Variants in ACACB observed in about 807,000 individuals in gnomAD.
The protein encoded by ACACB is acetyl-CoA carboxylase 2.
In ACACB, 209 loss-of-function variants were observed where a neutral mutation model predicts 278.8. That is an observed-to-expected ratio of 0.75 (90% CI 0.67 to 0.84). ACACB has a LOEUF of 0.84. ACACB is among the 40% of genes least tolerant of loss of function. The pLI, the probability that ACACB is intolerant of heterozygous loss-of-function variation, is 0.00. For missense variants in ACACB, 2,850 were observed against 3,269.0 expected (o/e 0.87, Z 3.13); for synonymous variants, 1,174 against 1,285.6 (o/e 0.91, Z 1.86).
chr12:109,165,241 C>G (rs546196090), intron 2 of ACACB, among the ~76,000 whole-genome samples: 1 of 152,148 alleles, frequency 6.6e-6, no homozygotes, highest in South Asian at 2.1e-4. Flanking sequence ...AAAGGGAAGC[C>G]CCAAAACAAT....
intron 2 of ACACB, among the ~76,000 whole-genome samples, chr12:109,151,365 GA>G (rs1217033564): frequency 6.6e-6 from 1 of 152,142 alleles, no homozygotes; most frequent in Non-Finnish European, 1.5e-5. Flanking sequence ...ACAAGGTACA[GA>G]GCAACTAACC....
chr12:109,206,599 T>A (rs571890835), intron 19 of ACACB, 111 bp from the exon 20 acceptor site: 86,202 of 1,310,872 alleles, frequency 0.066, 3,186 homozygotes, highest in Non-Finnish European at 0.074. Context: ...TCAGACCTCA[T>A]CCTCACTTGA....
Position 109,212,907 on chromosome 12 carries a change from C to T in ACACB, c.3321C>T (p.Asn1107=). Residue 1107 remains asparagine (N), a synonymous_variant, in exon 22 of 53, where the codon AAC becomes AAT. Transcript: ENST00000338432. ...RKADREVFFI[N]TQSIVQLVQR... ...CTGATCGAGAGGTCTTCTTCATCAA[C>T]ACCCAGAGCATCGTGCAGTTGGTCC... The T allele has an allele frequency of 6.2e-7, 1 of 1,614,136 alleles. No homozygotes were observed. The highest frequency in any genetic ancestry group is 8.5e-7 in the Non-Finnish European group (1 of 1,179,990).
chr12:109,253,053 G>A lies in ACACB; in HGVS notation c.5940G>A (p.Leu1980=). 1 of 1,613,086 alleles carries A rather than the reference G, an allele frequency of 6.2e-7. No homozygotes were observed. Among genetic ancestry groups the A allele is most frequent in the Non-Finnish European group, 8.5e-7 (1 of 1,179,434 alleles). ...AGGTCTACACATCCAACAACCAGCT[G>A]GGTGGCGTTCAGATCATGCATTACA... The part of the protein sequence containing the change: ...GREVYTSNNQ[L]GGVQIMHYNG... Residue 1980 remains leucine (L), a synonymous_variant, in exon 43 of 53, where the codon CTG becomes CTA. Transcript: ENST00000338432.
chr12:109,115,448 C>T (rs568674773), upstream of ACACB, among the ~76,000 whole-genome samples: 1 of 152,238 alleles, frequency 6.6e-6, no homozygotes, highest in South Asian at 2.1e-4. Context: ...AGATGGCTCT[C>T]CCTGGAAACA....
Position 109,156,369 on chromosome 12 carries a change from T to TA in ACACB, c.654-10483dup, listed in dbSNP as rs201093945. On this transcript the variant is annotated intron_variant, in intron 2 of 52. Coordinates refer to ENST00000338432, the MANE Select transcript of ACACB (RefSeq NM_001093.4). ...ACATAGTGAGACCCCCATCTCTACT[T>TA]AAAAAAAAATTAGCTGAGGATGGTG... is the stretch of plus-strand genomic sequence containing the variant. Among the ~76,000 whole-genome samples, 362 of 151,534 alleles carry TA rather than the reference T, an allele frequency of 2.4e-3. 4 individuals carry two copies. Among genetic ancestry groups the TA allele is most frequent in the African/African-American group, 8.3e-3 (341 of 41,324 alleles).
chr12:109,222,952 C>T (rs1376916886), intron 26 of ACACB, 40 bp downstream of exon 26: 4 of 1,504,132 alleles, frequency 2.7e-6, no homozygotes, highest in Non-Finnish European at 3.6e-6. Context: ...GCAGAGCACA[C>T]ACTGTGGCCC....
rs2044126253 is a variant in ACACB at position 109,171,828 on chromosome 12, T to TA, written c.950dup (p.Tyr317Ter). The change falls in exon 5 of 53, where the codon TAC becomes TAAC. Residue 317 changes from tyrosine (Y) to a stop codon, truncating the protein, a stop_gained and frameshift_variant. Coordinates refer to ENST00000338432, the MANE Select transcript of ACACB (RefSeq NM_001093.4). LOFTEE classifies it high-confidence loss of function. Reference protein sequence around the residue: ...NAEYIKMADHYVPVPGGPNNN... With the variant: ...NAEYIKMADH Reference sequence around the variant, plus strand: ...AGAGTACATCAAGATGGCGGATCATTACGTCCCCGTCCCAGGAGGGCCCAA... The same window carrying TA: ...AGAGTACATCAAGATGGCGGATCATTAACGTCCCCGTCCCAGGAGGGCCCAA... 1 of 1,613,980 alleles carries TA rather than the reference T, an allele frequency of 6.2e-7. No individual in the cohort carries two copies. The highest frequency in any genetic ancestry group is 8.5e-7 in the Non-Finnish European group (1 of 1,179,966).
At chr12:109,168,794 C>T (rs532551911) in intron 4 of ACACB, among the ~76,000 whole-genome samples, 1 of 152,158 alleles carries the variant, frequency 6.6e-6, no homozygotes, top group Admixed American at 6.6e-5. Context: ...TGCATTCCAG[C>T]CTGGGAAACA....
In ACACB at chr12:109,266,440, C is replaced by A. The variant is rs1208912311; in HGVS notation, c.*78C>A. 2 of 1,436,374 alleles carry A rather than the reference C, an allele frequency of 1.4e-6. No homozygotes were observed. The highest frequency in any genetic ancestry group is 2.6e-5 in the East Asian group (1 of 38,416). 89.0% of individuals were successfully genotyped at this position (1,436,374 alleles called of 1,614,324 possible). On this transcript the variant is annotated 3_prime_UTR_variant, in exon 53 of 53. Coordinates refer to ENST00000338432, the MANE Select transcript of ACACB (RefSeq NM_001093.4). ...CCACCACCCGTACACCCTCAGCAGA[C>A]CCTGAAGACTTGCTTTTAAACAAAG... is the stretch of plus-strand genomic sequence containing the variant.
At chr12:109,227,297 G>T in intron 27 of ACACB, 74 bp from the exon 28 acceptor site, 1 of 1,320,198 alleles carries the variant, frequency 7.6e-7, no homozygotes. Flanking sequence ...CCTGTTCCCC[G>T]TGAGTGCCCT....
chr12:109,243,459 C>T (rs1221823480), intron 37 of ACACB, among the ~76,000 whole-genome samples: 1 of 151,998 alleles, frequency 6.6e-6, no homozygotes, highest in Non-Finnish European at 1.5e-5. Flanking sequence ...ATTAACCAGG[C>T]GTAGTGGCAG....
rs1454958839 is a variant in ACACB, at chr12:109,216,792, C to T, written c.3440-4C>T. On this transcript the variant is annotated splice_region_variant and splice_polypyrimidine_tract_variant and intron_variant, in intron 23 of 52. Transcript: ENST00000338432. Reference sequence around the variant, plus strand: ...ACCTCTGTGTGGTGTTTTGTCTCCCCCAGCCCACTACGACAAGTGTGTGAT... The same window carrying T: ...ACCTCTGTGTGGTGTTTTGTCTCCCTCAGCCCACTACGACAAGTGTGTGAT... 3 of 1,614,074 alleles carry T rather than the reference C, an allele frequency of 1.9e-6. No individual in the cohort carries two copies. Among genetic ancestry groups the T allele is most frequent in the Non-Finnish European group, 2.5e-6 (3 of 1,179,986 alleles).
At chr12:109,165,977 T>C (rs1176370299) in intron 2 of ACACB, among the ~76,000 whole-genome samples, 1 of 152,172 alleles carries the variant, frequency 6.6e-6, no homozygotes, top group African/African-American at 2.4e-5. Context: ...TAAAAAATTG[T>C]TTTCAGTTTT....
rs1388487680 is a variant in ACACB at position 109,237,313 on chromosome 12, G to A, written c.4595G>A (p.Gly1532Asp). The A allele has an allele frequency of 3.7e-6, 6 of 1,614,216 alleles. No individual in the cohort carries two copies. Among genetic ancestry groups the A allele is most frequent in the Admixed American group, 1.7e-5 (1 of 60,020 alleles). ...CTGGGTGCTGCCAAGGTGAAGGAAG[G>A]TGTGGAAGTGACGGACCATAGGTTC... ...LYLGAAKVKE[G>D]VEVTDHRFFI... Residue 1532 changes from glycine to aspartate, a missense_variant, in exon 34 of 53, where the codon GGT (glycine) becomes GAT (aspartate). Physicochemically the swap from Gly to Asp is moderately conservative, Grantham distance 94 (BLOSUM62 -1). Coordinates refer to ENST00000338432, the MANE Select transcript of ACACB (RefSeq NM_001093.4).
intron 21 of ACACB, 73 bp from the exon 22 acceptor site, chr12:109,212,763 A>T (rs1376077757): frequency 1.5e-6 from 2 of 1,303,544 alleles, no homozygotes; most frequent in African/African-American, 1.5e-5. Flanking sequence ...TGGTTTGGGG[A>T]CCCTTTCTTT....
chr12:109,132,726 G>C (rs149518540), intron 1 of ACACB, among the ~76,000 whole-genome samples: 2 of 152,288 alleles, frequency 1.3e-5, no homozygotes, highest in Non-Finnish European at 2.9e-5. Flanking sequence ...AAAAGTTCTT[G>C]TGTGGGGTGA....
In ACACB at chr12:109,264,131, C is replaced by T. The variant is rs921088829; in HGVS notation, c.6788-101C>T. On this transcript the variant is annotated intron_variant, in intron 49 of 52. Transcript: ENST00000338432. Reference sequence around the variant, plus strand: ...CTCTCACAAGGCAAGGCCTGTCCTGCAAATCCTGATTTGTGCCTTCTTCAA... The same window carrying T: ...CTCTCACAAGGCAAGGCCTGTCCTGTAAATCCTGATTTGTGCCTTCTTCAA... 9.5e-6 allele frequency: 13 copies of T among 1,362,146 alleles called. No individual in the cohort carries two copies. In the Admixed American group the frequency reaches 2.1e-4, roughly 22 times the overall value. The allele number at this position is 1,362,146 out of a possible 1,614,324, so 84.4% of individuals were successfully genotyped here.
chr12:109,225,468 C>T (rs189830621), intron 27 of ACACB, among the ~76,000 whole-genome samples: 16 of 152,258 alleles, frequency 1.1e-4, no homozygotes, highest in Admixed American at 3.9e-4. Flanking sequence ...CCTGGGCTCA[C>T]GCGATCCACC....
Sources: gnomAD v4.1 joint callset for allele counts (sites outside exome capture counted in the v4.1 genomes callset) on GRCh38, gnomAD v4.1.1 for gene constraint, MANE v1.5 for transcripts, NCBI Gene and HGNC (gene_info 2026-07-23, HGNC 2026-07-21) for gene names.